NALF1: variants seen among roughly 807,000 people sequenced by gnomAD.
NALF1 encodes NALCN channel auxiliary factor 1.
A neutral mutation model predicts 48.4 loss-of-function variants in NALF1; 3 were observed. The observed-to-expected ratio is 0.06, with a 90% CI of 0.03 to 0.16. The LOEUF (loss-of-function observed/expected upper bound fraction) is 0.16. Among genes scored for constraint, NALF1 ranks in the 10% least tolerant of loss-of-function variants. The pLI is 1.00. For missense variants in NALF1, 526 were observed against 571.5 expected (o/e 0.92, Z 0.81); for synonymous variants, 262 against 245.7 (o/e 1.07, Z -0.62).
chr13:107,636,455 C>T (rs1222885054), intron 1 of NALF1, among the ~76,000 whole-genome samples: 1 of 152,112 alleles, frequency 6.6e-6, no homozygotes, highest in Non-Finnish European at 1.5e-5. Context: ...CCCATCTAGA[C>T]ACTGATCAAG....
intron 1 of NALF1, among the ~76,000 whole-genome samples, chr13:107,672,538 G>A (rs1372977255): frequency 1.3e-5 from 2 of 152,136 alleles, no homozygotes; most frequent in East Asian, 1.9e-4. Flanking sequence ...GATACTGGGC[G>A]AGAAGAGAGT....
At chr13:107,480,827 G>A (rs1000433288) in intron 1 of NALF1, among the ~76,000 whole-genome samples, 7 of 152,112 alleles carry the variant, frequency 4.6e-5, no homozygotes, top group African/African-American at 7.2e-5. Context: ...AAGCTCGAAC[G>A]AAGCAATAAT....
intron 1 of NALF1, among the ~76,000 whole-genome samples, chr13:107,705,049 T>C (rs1341632794): frequency 1.3e-5 from 2 of 152,204 alleles, no homozygotes; most frequent in East Asian, 1.9e-4. Flanking sequence ...ATACATTCTC[T>C]CATTTCAACT....
Position 107,450,315 on chromosome 13 carries a change from C to T in NALF1, c.916-239560G>A, listed in dbSNP as rs186169065. Among the ~76,000 whole-genome samples the T allele has an allele frequency of 5.9e-4, 90 of 152,118 alleles. 2 individuals carry two copies. Among genetic ancestry groups the T allele is most frequent in the Non-Finnish European group, 4.4e-5 (3 of 68,002 alleles). On this transcript the variant is annotated intron_variant, in intron 1 of 2. Transcript: ENST00000375915. ...GAATGTGGGAAAACAAGAAAGTGCC[C>T]ATCATAGAGCCACGGGGACTGGGGG...
intron 1 of NALF1, among the ~76,000 whole-genome samples, chr13:107,798,209 G>A (rs1878493058): frequency 6.6e-6 from 1 of 152,244 alleles, no homozygotes; most frequent in South Asian, 2.1e-4. Context: ...ATGGTTGATT[G>A]CAGCCAATTT....
intron 1 of NALF1, among the ~76,000 whole-genome samples, chr13:107,256,583 T>C (rs1324601550): frequency 1.3e-5 from 2 of 152,232 alleles, no homozygotes; most frequent in Admixed American, 6.5e-5. Flanking sequence ...AATTTGCTGA[T>C]ATCATTGACT....
At chr13:107,677,907 T>C (rs949365575) in intron 1 of NALF1, among the ~76,000 whole-genome samples, 1 of 152,228 alleles carries the variant, frequency 6.6e-6, no homozygotes, top group African/African-American at 2.4e-5. Context: ...TTCTAGAATA[T>C]ACATACTTGA....
At chr13:107,284,179 A>AG (rs375171590) in intron 1 of NALF1, among the ~76,000 whole-genome samples, 50 of 152,254 alleles carry the variant, frequency 3.3e-4, no homozygotes, top group African/African-American at 1.1e-3. Flanking sequence ...TTAGATATAC[A>AG]GGGGGAATTT....
At chr13:107,589,994 T>TCAA (rs1878562163) in intron 1 of NALF1, among the ~76,000 whole-genome samples, 1 of 152,024 alleles carries the variant, frequency 6.6e-6, no homozygotes, top group Non-Finnish European at 1.5e-5. Context: ...TTTACTTGAA[T>TCAA]GGAATTAAAT....
At chr13:107,842,851 G>A (rs1880077927) in intron 1 of NALF1, among the ~76,000 whole-genome samples, 1 of 152,010 alleles carries the variant, frequency 6.6e-6, no homozygotes, top group African/African-American at 2.4e-5. Flanking sequence ...AAATCTCTGG[G>A]AAGAAGACAT....
intron 1 of NALF1, among the ~76,000 whole-genome samples, chr13:107,785,464 A>G (rs183753669): frequency 1.1e-4 from 16 of 152,336 alleles, no homozygotes; most frequent in East Asian, 5.8e-4. Context: ...AAAGCCAAAC[A>G]TCGTATGTTT....
chr13:107,717,896 G>C (rs1875868578), intron 1 of NALF1, among the ~76,000 whole-genome samples: 1 of 152,124 alleles, frequency 6.6e-6, no homozygotes, highest in Non-Finnish European at 1.5e-5. Flanking sequence ...TCTTCGCCAA[G>C]TAATTTTTAG....
At chr13:107,618,552 C>A (rs1879440336) in intron 1 of NALF1, among the ~76,000 whole-genome samples, 2 of 152,132 alleles carry the variant, frequency 1.3e-5, no homozygotes, top group South Asian at 4.2e-4. Flanking sequence ...ACTTTGAAAG[C>A]TTTTGCAGCT....
chr13:107,271,669 A>C (rs1881168403), intron 1 of NALF1, among the ~76,000 whole-genome samples: 1 of 151,382 alleles, frequency 6.6e-6, no homozygotes, highest in Non-Finnish European at 1.5e-5. Context: ...ATGAATATAT[A>C]GTTTTCAAGA....
intron 1 of NALF1, among the ~76,000 whole-genome samples, chr13:107,647,013 T>A (rs1440488991): frequency 2.6e-5 from 4 of 152,094 alleles, no homozygotes; most frequent in African/African-American, 9.7e-5. Flanking sequence ...TACCACTCAT[T>A]GGGTAAAGAC....
intron 1 of NALF1, among the ~76,000 whole-genome samples, chr13:107,689,377 G>T (rs911496645): frequency 1.3e-5 from 2 of 151,732 alleles, no homozygotes; most frequent in Admixed American, 1.3e-4. Flanking sequence ...CATAATTTTT[G>T]ACTACTTTCT....
intron 1 of NALF1, among the ~76,000 whole-genome samples, chr13:107,312,278 T>C (rs539185846): frequency 1.3e-5 from 2 of 152,252 alleles, no homozygotes; most frequent in East Asian, 1.9e-4. Flanking sequence ...TGTAGGGACA[T>C]GGATGAAGCT....
intron 1 of NALF1, among the ~76,000 whole-genome samples, chr13:107,486,977 T>TA (rs1425359697): frequency 6.6e-6 from 1 of 152,194 alleles, no homozygotes; most frequent in Non-Finnish European, 1.5e-5. Context: ...GTAAGGCCTC[T>TA]AGCAACTTGT....
chr13:107,798,650 C>T (rs1024506403), intron 1 of NALF1, among the ~76,000 whole-genome samples: 1 of 152,096 alleles, frequency 6.6e-6, no homozygotes, highest in Non-Finnish European at 1.5e-5. Context: ...AAAACAACCC[C>T]AAGGAATTCA....
Sources: gnomAD v4.1 joint callset for allele counts (sites outside exome capture counted in the v4.1 genomes callset) on GRCh38, gnomAD v4.1.1 for gene constraint, MANE v1.5 for transcripts, NCBI Gene and HGNC (gene_info 2026-07-23, HGNC 2026-07-21) for gene names.